The following PMIS2 variants were observed in gnomAD, a reference collection of about 807,000 sequenced individuals.
PMIS2 encodes the protein transmembrane protein PMIS2.
chr19:35,586,769 G>A (rs368195604), intron 1 of PMIS2, among the ~76,000 whole-genome samples: 21 of 151,946 alleles, frequency 1.4e-4, no homozygotes, highest in Non-Finnish European at 2.6e-4. Context: ...TAGTAGAGAC[G>A]GGGTTTCACC....
exon 2 of PMIS2, chr19:35,587,203 C>T (rs1431030153): frequency 7.5e-6 from 3 of 398,224 alleles, no homozygotes; most frequent in Non-Finnish European, 1.3e-5. Context: ...ACTCACCAAA[C>T]ACTAACCAGC....
chr19:35,586,264 C>A (rs781139920), exon 1 of PMIS2: 56 of 398,998 alleles, frequency 1.4e-4, no homozygotes, highest in Admixed American at 7.9e-4. Flanking sequence ...AAGGTCATGG[C>A]CCTGAAACCA....
rs561375806 is a variant in PMIS2, at chr19:35,586,964, C to T, written c.283-57C>T. On this transcript the variant is annotated intron_variant, in intron 1 of 1. Transcript: ENST00000646476. Reference sequence around the variant, plus strand: ...CCCTCAGTGACTGCAGGTCTCCAACCGTTCTCCCCAGGGTTCCTGGACACA... The same window carrying T: ...CCCTCAGTGACTGCAGGTCTCCAACTGTTCTCCCCAGGGTTCCTGGACACA... 13 of 398,676 alleles carry T rather than the reference C, an allele frequency of 3.3e-5. No individual in the cohort carries two copies. Among genetic ancestry groups the T allele is most frequent in the East Asian group, 7.1e-5 (2 of 28,078 alleles). The allele number at this position is 398,676 out of a possible 1,614,324, so 24.7% of individuals were successfully genotyped here. A position where few individuals can be genotyped will look rare whatever the true frequency, so the allele number is the denominator to read the frequency against.
exon 2 of PMIS2, chr19:35,587,110 T>G (rs368118268): frequency 2.0e-4 from 81 of 398,484 alleles, no homozygotes; most frequent in East Asian, 6.1e-4. Context: ...TGGTAATGAT[T>G]GGCTTAGGCA....
chr19:35,586,830 G>T, intron 1 of PMIS2, 146 bp from the exon 2 acceptor site: 1 of 396,122 alleles, frequency 2.5e-6, no homozygotes, highest in Non-Finnish European at 4.4e-6. Context: ...CACCCGCCTT[G>T]GCCTCCCAAA....
chr19:35,587,196 C>A, exon 2 of PMIS2: 1 of 398,390 alleles, frequency 2.5e-6, no homozygotes, highest in South Asian at 1.3e-4. Context: ...CCGAGCCACT[C>A]ACCAAACACT....
exon 1 of PMIS2, chr19:35,586,326 C>A (rs1434951036): frequency 5.0e-6 from 2 of 398,470 alleles, no homozygotes; most frequent in Admixed American, 4.4e-5. Flanking sequence ...AGACGCCCCC[C>A]CTACCACAGG....
chr19:35,586,928 A>C, intron 1 of PMIS2, 48 bp from the exon 2 acceptor site: 1 of 398,624 alleles, frequency 2.5e-6, no homozygotes, highest in Non-Finnish European at 4.4e-6. Flanking sequence ...TGGGACCTGC[A>C]TAGGGGCTTT....
chr19:35,586,418 G>C (rs970190148), exon 1 of PMIS2: 13 of 398,596 alleles, frequency 3.3e-5, no homozygotes, highest in Non-Finnish European at 4.4e-5. Context: ...CCCAGGAGCC[G>C]CAAGAGCCTA....
intron 1 of PMIS2, 42 bp from the exon 2 acceptor site, chr19:35,586,934 G>A: frequency 2.5e-6 from 1 of 398,666 alleles, no homozygotes; most frequent in Non-Finnish European, 4.4e-6. Flanking sequence ...CTGCATAGGG[G>A]CTTTCCCTCA....
chr19:35,586,320 GC>G lies in PMIS2; in HGVS notation c.68del (p.Pro23LeufsTer41), dbSNP rs1210084392. On this transcript the variant is annotated frameshift_variant, in exon 1 of 2. Coordinates refer to ENST00000646476, the Ensembl canonical transcript of PMIS2. LOFTEE classifies it high-confidence loss of function. ...TCCCAACGCGCCAGCTACCCCAGAC[GC>G]CCCCCCTACCACAGGTGATCCAGGT... 5 of 397,768 alleles carry G rather than the reference GC, an allele frequency of 1.3e-5. No homozygotes were observed. Among genetic ancestry groups the G allele is most frequent in the South Asian group, 1.3e-4 (1 of 7,834 alleles). 24.6% of individuals were successfully genotyped at this position (397,768 alleles called of 1,614,324 possible). A position where few individuals can be genotyped will look rare whatever the true frequency, so the allele number is the denominator to read the frequency against.
exon 1 of PMIS2, chr19:35,586,321 C>T (rs141347027): frequency 1.5e-5 from 6 of 397,916 alleles, no homozygotes; most frequent in African/African-American, 8.3e-5. Context: ...ACCCCAGACG[C>T]CCCCCCTACC....
chr19:35,586,542 G>GGAA lies in PMIS2; in HGVS notation c.282+1_282+2insGAA, dbSNP rs2071780369. 2.5e-6 allele frequency: 1 copy of GGAA among 396,708 alleles called. No individual in the cohort carries two copies. The allele number at this position is 396,708 out of a possible 1,614,324, so 24.6% of individuals were successfully genotyped here. A position where few individuals can be genotyped will look rare whatever the true frequency, so the allele number is the denominator to read the frequency against. On this transcript the variant is annotated splice_donor_variant, in intron 1 of 1. Coordinates refer to ENST00000646476, the Ensembl canonical transcript of PMIS2. LOFTEE classifies it high-confidence loss of function. ...GGCAGCTTTGTACTTCTCTTATGAG[G>GGAA]TAAAATAATGCCCAAGTCATAGCCC...
downstream of PMIS2, chr19:35,587,242 C>A: frequency 2.5e-6 from 1 of 397,152 alleles, no homozygotes; most frequent in African/African-American, 2.1e-5. Context: ...AGAAATTCAA[C>A]CGCTGAGACA....
In PMIS2 at chr19:35,586,300, AC is replaced by A; in HGVS notation, c.42del (p.Asn14LysfsTer50). ...CCTTCTGCCACCCAGCCTGCTCCCAACGCGCCAGCTACCCCAGACGCCCCCC... is the reference window on the plus strand; with the variant it reads ...CCTTCTGCCACCCAGCCTGCTCCCAAGCGCCAGCTACCCCAGACGCCCCCC... On this transcript the variant is annotated frameshift_variant, in exon 1 of 2. Coordinates refer to ENST00000646476, the Ensembl canonical transcript of PMIS2. LOFTEE classifies it high-confidence loss of function. 5.0e-6 allele frequency: 2 copies of A among 398,824 alleles called. No homozygotes were observed. 24.7% of individuals were successfully genotyped at this position (398,824 alleles called of 1,614,324 possible).
intron 1 of PMIS2, 119 bp downstream of exon 1, chr19:35,586,660 A>G (rs1209446013): frequency 2.5e-6 from 1 of 394,772 alleles, no homozygotes; most frequent in Non-Finnish European, 4.4e-6. Context: ...GCTCACTGCA[A>G]TCTCTGCCTT....
exon 1 of PMIS2, chr19:35,586,390 G>A (rs1041573768): frequency 5.0e-6 from 2 of 398,896 alleles, no homozygotes; most frequent in Non-Finnish European, 8.8e-6. Flanking sequence ...GGTGGTCCAG[G>A]TGCCCCAGCT....
At chr19:35,586,673 C>T (rs1309453928) in intron 1 of PMIS2, 132 bp downstream of exon 1, 4 of 394,040 alleles carry the variant, frequency 1.0e-5, no homozygotes, top group Non-Finnish European at 1.8e-5. Flanking sequence ...TCTGCCTTCC[C>T]GGTTCCAGCA....
At chr19:35,586,356 G>A in exon 1 of PMIS2, 1 of 399,300 alleles carries the variant, frequency 2.5e-6, no homozygotes. Context: ...TGCTTCAGCT[G>A]CCCCAGGTTC....
Sources: gnomAD v4.1 joint callset for allele counts (sites outside exome capture counted in the v4.1 genomes callset) on GRCh38, gnomAD v4.1.1 for gene constraint, MANE v1.5 for transcripts, NCBI Gene and HGNC (gene_info 2026-07-23, HGNC 2026-07-21) for gene names.